The following GRIP1 variants were observed in gnomAD, a reference collection of about 807,000 sequenced individuals.
GRIP1 encodes glutamate receptor-interacting protein 1.
A neutral mutation model predicts 129.9 loss-of-function variants in GRIP1; 45 were observed. The ratio of observed to expected loss-of-function variants is 0.35; its 90% CI spans 0.27 to 0.44. The LOEUF (loss-of-function observed/expected upper bound fraction) is 0.44, where lower values mean the gene tolerates loss of function less well. Ranked by LOEUF, GRIP1 falls within the 20% of genes least tolerant of loss-of-function variation. GRIP1 has a pLI of 1.00. For synonymous variants in GRIP1, 530 were observed against 520.8 expected (o/e 1.02, Z -0.24); for missense variants, 1,196 against 1,396.8 (o/e 0.86, Z 2.29).
At chr12:67,032,573 T>C (rs1041109558) in intron 1 of GRIP1, among the ~76,000 whole-genome samples, 4 of 152,222 alleles carry the variant, frequency 2.6e-5, no homozygotes, top group African/African-American at 7.2e-5. Flanking sequence ...TTGGGCCAGA[T>C]AATTCTTTGT....
At chr12:66,395,021 C>G (rs1328433436) in intron 16 of GRIP1, among the ~76,000 whole-genome samples, 1 of 152,164 alleles carries the variant, frequency 6.6e-6, no homozygotes, top group Admixed American at 6.5e-5. Context: ...AATGGAGTAA[C>G]AGCTGTTGTA....
chr12:66,865,660 C>T (rs984890933), intron 1 of GRIP1, among the ~76,000 whole-genome samples: 1 of 152,044 alleles, frequency 6.6e-6, no homozygotes, highest in Non-Finnish European at 1.5e-5. Context: ...TTCATCTACC[C>T]ACCCACATTC....
intron 1 of GRIP1, among the ~76,000 whole-genome samples, chr12:66,826,687 TAAAC>T (rs1208231666): frequency 4.6e-5 from 7 of 150,942 alleles, no homozygotes; most frequent in African/African-American, 1.7e-4. Flanking sequence ...AAAAAGAAAA[TAAAC>T]AATATATTAA....
chr12:66,350,058 C>A (rs779796567), intron 24 of GRIP1, among the ~76,000 whole-genome samples: 1 of 152,052 alleles, frequency 6.6e-6, no homozygotes, highest in Non-Finnish European at 1.5e-5. Flanking sequence ...TCCTCCTTGG[C>A]GTTTAGCATT....
intron 5 of GRIP1, among the ~76,000 whole-genome samples, chr12:66,518,496 C>T (rs997211530): frequency 6.6e-6 from 1 of 152,104 alleles, no homozygotes; most frequent in Non-Finnish European, 1.5e-5. Flanking sequence ...AATTTTCAGA[C>T]TGTGTCAAGC....
intron 1 of GRIP1, among the ~76,000 whole-genome samples, chr12:66,947,126 CT>C (rs1225466781): frequency 3.3e-5 from 5 of 152,086 alleles, no homozygotes; most frequent in African/African-American, 1.2e-4. Flanking sequence ...TATCTCCGCA[CT>C]TTTAGACGGA....
At chr12:66,781,360 G>A (rs2038153699) in intron 1 of GRIP1, among the ~76,000 whole-genome samples, 1 of 152,074 alleles carries the variant, frequency 6.6e-6, no homozygotes, top group Admixed American at 6.6e-5. Context: ...GCTTATTTAG[G>A]TATCTTTCTT....
chr12:66,602,848 CTTTTTTTTTTTTTT>C (rs71436016), intron 1 of GRIP1, among the ~76,000 whole-genome samples: 4 of 71,658 alleles, frequency 5.6e-5, no homozygotes, highest in South Asian at 6.0e-4. Context: ...AGATCTTTTG[CTTTTTTTTTTTTTT>C]TTTTTTTTTT....
chr12:66,965,596 T>TGTGTGTGTGTGTGA (rs1308974868), intron 1 of GRIP1, among the ~76,000 whole-genome samples: 17 of 146,854 alleles, frequency 1.2e-4, no homozygotes, highest in African/African-American at 3.8e-4. Context: ...TGTGTGTGTG[T>TGTGTGTGTGTGTGA]GAGATATTAT....
intron 4 of GRIP1, among the ~76,000 whole-genome samples, chr12:66,531,252 A>AAT (rs71069009): frequency 0.019 from 367 of 19,322 alleles, 2 homozygotes; most frequent in Non-Finnish European, 0.022. Context: ...AAAAAAAAAA[A>AAT]ATATATATAT....
rs543300063 is a variant in GRIP1 at position 66,606,022 on chromosome 12, T to C, written c.56-9095A>G. On this transcript the variant is annotated intron_variant, in intron 1 of 24. Coordinates refer to ENST00000359742, the MANE Select transcript of GRIP1 (RefSeq NM_001366722.1). ...ATTTGACTGAGGAACAAGGGCTATGTGTGATTGCCTAGATGTGTGAAAATC... is the reference window on the plus strand; with the variant it reads ...ATTTGACTGAGGAACAAGGGCTATGCGTGATTGCCTAGATGTGTGAAAATC... Among the ~76,000 whole-genome samples the C allele has an allele frequency of 5.8e-5, 8 of 138,996 alleles. No homozygotes were observed. The East Asian group carries it at 1.5e-3, about 27-fold the overall frequency. The allele number at this position is 138,996 out of a possible 152,430, so 91.2% of individuals were successfully genotyped here. A position where few individuals can be genotyped will look rare whatever the true frequency, so the allele number is the denominator to read the frequency against.
Position 66,758,918 on chromosome 12 carries a change from T to C in GRIP1, c.-420+45135A>G, listed in dbSNP as rs574629793. Among the ~76,000 whole-genome samples, 46 of 152,310 alleles carry C rather than the reference T, an allele frequency of 3.0e-4. No individual in the cohort carries two copies. The South Asian group carries it at 4.8e-3, about 16-fold the overall frequency. On this transcript the variant is annotated intron_variant, in intron 1 of 4. Transcript: ENST00000538373. ...ACAGCCTCCCTCCTGGCTGCTTTCATGGGCTGGCATTGAGTGTCTGCAGCT... is the reference window on the plus strand; with the variant it reads ...ACAGCCTCCCTCCTGGCTGCTTTCACGGGCTGGCATTGAGTGTCTGCAGCT...
chr12:66,493,640 T>A (rs1314683609), intron 7 of GRIP1, among the ~76,000 whole-genome samples: 1 of 137,330 alleles, frequency 7.3e-6, no homozygotes, highest in Non-Finnish European at 1.5e-5. Flanking sequence ...GTTCTGTGGA[T>A]AACTTGATCT....
At chr12:66,782,772 C>A (rs1041522513) in intron 1 of GRIP1, among the ~76,000 whole-genome samples, 1 of 152,158 alleles carries the variant, frequency 6.6e-6, no homozygotes, top group Non-Finnish European at 1.5e-5. Flanking sequence ...TGCTATGTAA[C>A]AATCTCTGCC....
intron 1 of GRIP1, among the ~76,000 whole-genome samples, chr12:66,648,177 C>G (rs2032516323): frequency 7.3e-6 from 1 of 137,682 alleles, no homozygotes; most frequent in Non-Finnish European, 1.5e-5. Context: ...GGGGCACCAT[C>G]TGGCTCCACA....
intron 1 of GRIP1, among the ~76,000 whole-genome samples, chr12:66,656,048 G>A (rs1181389584): frequency 6.6e-6 from 1 of 152,114 alleles, no homozygotes; most frequent in Non-Finnish European, 1.5e-5. Flanking sequence ...AATATATAGG[G>A]AATAATTGAA....
chr12:66,804,384 C>G (rs1028194569), upstream of GRIP1, among the ~76,000 whole-genome samples: 1 of 151,806 alleles, frequency 6.6e-6, no homozygotes, highest in African/African-American at 2.4e-5. Context: ...TATGGGTTTA[C>G]CTTGACAATA....
chr12:66,349,798 A>G (rs1227778344), intron 24 of GRIP1, among the ~76,000 whole-genome samples: 1 of 142,376 alleles, frequency 7.0e-6, no homozygotes, highest in Non-Finnish European at 1.5e-5. Context: ...CCTGGGCAAC[A>G]TAGTGAGACC....
chr12:66,410,430 G>A (rs1466869957), intron 15 of GRIP1, among the ~76,000 whole-genome samples: 3 of 148,766 alleles, frequency 2.0e-5, no homozygotes, highest in Admixed American at 6.8e-5. Context: ...TCAGGAGTTC[G>A]AGACAAGCCT....
Sources: allele counts gnomAD v4.1 joint callset (sites outside exome capture counted in the v4.1 genomes callset), GRCh38; gene constraint gnomAD v4.1.1; transcripts MANE v1.5; gene names NCBI Gene and HGNC (gene_info 2026-07-23, HGNC 2026-07-21).